UBE2D3: variants seen among roughly 807,000 people sequenced by gnomAD.
UBE2D3 encodes ubiquitin-conjugating enzyme E2 D3.
In UBE2D3, 2 loss-of-function variants were observed where a neutral mutation model predicts 22.8. The observed-to-expected ratio is 0.09, with a 90% CI of 0.04 to 0.28. The LOEUF is 0.28. Ranked by LOEUF, UBE2D3 falls within the 10% of genes least tolerant of loss-of-function variation. The pLI is 1.00. For synonymous variants in UBE2D3, 56 were observed against 60.4 expected (o/e 0.93, Z 0.34); for missense variants, 27 against 182.5 (o/e 0.15, Z 4.91).
intron 2 of UBE2D3, 188 bp from the exon 3 acceptor site, chr4:102,810,043 G>C (rs1727702558): frequency 1.7e-6 from 1 of 572,134 alleles, no homozygotes. Flanking sequence ...ATCTTAGCTA[G>C]AGTTCGTAAA....
At chr4:102,852,137 A>G (rs1732391536) in intron 1 of UBE2D3, among the ~76,000 whole-genome samples, 1 of 152,154 alleles carries the variant, frequency 6.6e-6, no homozygotes, top group African/African-American at 2.4e-5. Context: ...CTCTTTTACT[A>G]TTTCCTGTTC....
At chr4:102,855,402 A>G (rs1056764725) in intron 1 of UBE2D3, among the ~76,000 whole-genome samples, 7 of 152,208 alleles carry the variant, frequency 4.6e-5, no homozygotes, top group Admixed American at 3.9e-4. Flanking sequence ...GGATATACCA[A>G]TACTTTTAAT....
intron 1 of UBE2D3, among the ~76,000 whole-genome samples, chr4:102,844,816 C>T (rs988624823): frequency 6.6e-6 from 1 of 151,806 alleles, no homozygotes; most frequent in Non-Finnish European, 1.5e-5. Context: ...GTCAGCAGAT[C>T]GAGACCATCC....
In UBE2D3 at chr4:102,794,669, C is replaced by T. The variant is rs944037227; in HGVS notation, c.*2746G>A. 1 of 119,304 alleles carries T rather than the reference C, an allele frequency of 8.4e-6. No individual in the cohort carries two copies. Among genetic ancestry groups the T allele is most frequent in the East Asian group, 2.4e-4 (1 of 4,188 alleles). The allele number at this position is 119,304 out of a possible 1,614,324, so 7.4% of individuals were successfully genotyped here. On this transcript the variant is annotated 3_prime_UTR_variant, in exon 8 of 8. Coordinates refer to ENST00000453744, the MANE Select transcript of UBE2D3 (RefSeq NM_181891.3). ...AGCCATTTCAACAAACAAAAAAAAA[C>T]AAACAAAAAAAAAAGTGAGTGTTTC...
intron 1 of UBE2D3, among the ~76,000 whole-genome samples, chr4:102,847,955 C>T (rs933612324): frequency 7.2e-5 from 11 of 152,130 alleles, no homozygotes; most frequent in African/African-American, 2.7e-4. Context: ...CCCACGTATG[C>T]CTAGCGTTCC....
At chr4:102,852,813 T>G (rs1732425959) in intron 1 of UBE2D3, among the ~76,000 whole-genome samples, 2 of 152,298 alleles carry the variant, frequency 1.3e-5, no homozygotes, top group South Asian at 4.1e-4. Flanking sequence ...TGTCAGACTG[T>G]TTTACGAATA....
chr4:102,866,039 C>G (rs1733131696), intron 1 of UBE2D3, among the ~76,000 whole-genome samples: 1 of 152,022 alleles, frequency 6.6e-6, no homozygotes, highest in Non-Finnish European at 1.5e-5. Context: ...GCCAAGAAGG[C>G]AGGGTTGTGG....
intron 1 of UBE2D3, among the ~76,000 whole-genome samples, chr4:102,865,135 AAC>A (rs1218856674): frequency 4.6e-5 from 7 of 152,330 alleles, no homozygotes; most frequent in African/African-American, 1.7e-4. Flanking sequence ...AGACTCCCAG[AAC>A]ACAAATTGTA....
intron 2 of UBE2D3, among the ~76,000 whole-genome samples, chr4:102,821,793 A>G (rs1729659747): frequency 6.6e-6 from 1 of 152,202 alleles, no homozygotes; most frequent in South Asian, 2.1e-4. Context: ...ATGTACCCAC[A>G]AAATTTTTTT....
intron 1 of UBE2D3, among the ~76,000 whole-genome samples, chr4:102,857,008 A>C (rs1732652300): frequency 6.6e-6 from 1 of 152,242 alleles, no homozygotes; most frequent in South Asian, 2.1e-4. Context: ...CAAAATTGAT[A>C]GAACTATACA....
Position 102,827,453 on chromosome 4 carries a change from G to GCGGCCT in UBE2D3, c.-161_-156dup. The GCGGCCT allele has an allele frequency of 1.0e-6, 1 of 986,148 alleles. No individual in the cohort carries two copies. The highest frequency in any genetic ancestry group is 1.2e-6 in the Non-Finnish European group (1 of 830,170). The allele number at this position is 986,148 out of a possible 1,614,324, so 61.1% of individuals were successfully genotyped here. ...GAGGGGCCGGGGCCTCCCTCAAGCT[G>GCGGCCT]CGGCCTCGGCCTCCTCCCCGCGCGG... On this transcript the variant is annotated 5_prime_UTR_variant, in exon 1 of 8. Transcript: ENST00000453744.
chr4:102,822,390 T>C (rs989419225), intron 2 of UBE2D3, among the ~76,000 whole-genome samples: 3 of 152,152 alleles, frequency 2.0e-5, no homozygotes, highest in African/African-American at 7.2e-5. Flanking sequence ...TTGGGGACAA[T>C]AAATATATTT....
chr4:102,860,811 G>A (rs1490447566), intron 1 of UBE2D3, among the ~76,000 whole-genome samples: 1 of 151,864 alleles, frequency 6.6e-6, no homozygotes, highest in Non-Finnish European at 1.5e-5. Context: ...TGCAGGGGAG[G>A]TTGGGCTGCT....
At chr4:102,822,239 A>G (rs1409424755) in intron 2 of UBE2D3, among the ~76,000 whole-genome samples, 1 of 152,224 alleles carries the variant, frequency 6.6e-6, no homozygotes, top group Non-Finnish European at 1.5e-5. Context: ...CCTTTTTCAA[A>G]TTAAACAAAT....
intron 4 of UBE2D3, 154 bp downstream of exon 4, chr4:102,809,514 CTCAT>C (rs1727620980): frequency 3.9e-6 from 3 of 774,178 alleles, no homozygotes; most frequent in Non-Finnish European, 6.2e-6. Flanking sequence ...AAATGACTAA[CTCAT>C]TATGTTTTTT....
chr4:102,811,787 C>T (rs539550167), intron 2 of UBE2D3: 8 of 447,936 alleles, frequency 1.8e-5, no homozygotes, highest in East Asian at 1.4e-4. Context: ...GAAGCAGAGG[C>T]GAGAGGACAG....
At chr4:102,806,478 T>C (rs1201369018) in intron 4 of UBE2D3, among the ~76,000 whole-genome samples, 2 of 152,060 alleles carry the variant, frequency 1.3e-5, no homozygotes, top group African/African-American at 4.8e-5. Context: ...GTAACCTACG[T>C]GGGAAATGAC....
At chr4:102,824,687 G>A (rs1281589043) in intron 2 of UBE2D3, among the ~76,000 whole-genome samples, 1 of 152,202 alleles carries the variant, frequency 6.6e-6, no homozygotes, top group East Asian at 1.9e-4. Context: ...AAAAAAATCA[G>A]AGGCCTTCCT....
At chr4:102,824,351 T>C (rs1380815234) in intron 2 of UBE2D3, among the ~76,000 whole-genome samples, 1 of 152,096 alleles carries the variant, frequency 6.6e-6, no homozygotes, top group East Asian at 1.9e-4. Context: ...TAACTAGGAG[T>C]GTCATGTGCC....
Sources: allele counts gnomAD v4.1 joint callset (sites outside exome capture counted in the v4.1 genomes callset), GRCh38; gene constraint gnomAD v4.1.1; transcripts MANE v1.5; gene names NCBI Gene and HGNC (gene_info 2026-07-23, HGNC 2026-07-21).